The following ADGRG7 variants were observed in gnomAD, a reference collection of about 807,000 sequenced individuals.
The protein encoded by ADGRG7 is adhesion G protein-coupled receptor G7, also known as G-protein coupled receptor 128.
A neutral mutation model predicts 88.6 loss-of-function variants in ADGRG7; 82 were observed. The observed-to-expected ratio is 0.93, with a 90% CI of 0.77 to 1.11. ADGRG7 has a LOEUF of 1.11. Ranked by LOEUF, ADGRG7 falls within the 50% of genes most tolerant of loss-of-function variation. ADGRG7 has a pLI of 0.00. For synonymous variants in ADGRG7, 381 were observed against 345.2 expected (o/e 1.10, Z -1.15); for missense variants, 945 against 953.4 (o/e 0.99, Z 0.12).
chr3:100,613,525 C>T (rs1018338561), intron 1 of ADGRG7, among the ~76,000 whole-genome samples: 2 of 125,404 alleles, frequency 1.6e-5, no homozygotes, highest in African/African-American at 2.6e-5. Context: ...CCTCACATAA[C>T]CACCCCCTAA....
chr3:100,619,963 A>G (rs1055777479), intron 1 of ADGRG7, among the ~76,000 whole-genome samples: 6 of 152,176 alleles, frequency 3.9e-5, no homozygotes, highest in African/African-American at 1.2e-4. Context: ...ATTCACAGCC[A>G]AATTCTACCA....
intron 1 of ADGRG7, among the ~76,000 whole-genome samples, chr3:100,619,559 G>T (rs1707277968): frequency 6.6e-6 from 1 of 152,098 alleles, no homozygotes; most frequent in African/African-American, 2.4e-5. Flanking sequence ...ACTAAGATCA[G>T]AGCAGAACTG....
At position 100,638,538 on chromosome 3, in the gene ADGRG7, G is replaced by A. The variant is rs80099883; in HGVS notation, c.698+1136G>A. Among the ~76,000 whole-genome samples the A allele has an allele frequency of 1.4e-3, 214 of 152,250 alleles. 4 individuals carry two copies. In the East Asian group the frequency reaches 0.038, roughly 27 times the overall value. On this transcript the variant is annotated intron_variant, in intron 6 of 15. Coordinates refer to ENST00000273352, the MANE Select transcript of ADGRG7 (RefSeq NM_032787.3). ...TGTAGTTTTGGAAAAGGCAACATTT[G>A]ATTCGTAAAAAGACATTATTCAGAA... is the stretch of plus-strand genomic sequence containing the variant.
intron 4 of ADGRG7, 85 bp from the exon 5 acceptor site, chr3:100,635,592 T>C (rs985465680): frequency 1.3e-6 from 2 of 1,542,130 alleles, no homozygotes; most frequent in African/African-American, 1.4e-5. Flanking sequence ...TCAGCTAAAT[T>C]CCAGCTTATT....
intron 4 of ADGRG7, among the ~76,000 whole-genome samples, chr3:100,635,305 A>T (rs1209031660): frequency 6.6e-6 from 1 of 152,226 alleles, no homozygotes; most frequent in African/African-American, 2.4e-5. Flanking sequence ...GAACTGTTAG[A>T]TTCAACAGCA....
chr3:100,629,609 T>A lies in ADGRG7; in HGVS notation c.127T>A (p.Ser43Thr). 6.2e-7 allele frequency: 1 copy of A among 1,611,730 alleles called. No homozygotes were observed. Among genetic ancestry groups the A allele is most frequent in the Non-Finnish European group, 8.5e-7 (1 of 1,178,092 alleles). Reference sequence around the variant, plus strand: ...TATTGTTTCTTTAGGAAAATCTACTTCCTCATCAAGCACCCCTACAGAGTT... The same window carrying A: ...TATTGTTTCTTTAGGAAAATCTACTACCTCATCAAGCACCCCTACAGAGTT... ...VIRIQRGKST[S>T]SSSTPTEFCR... Residue 43 changes from serine (S) to threonine (T), a missense_variant, in exon 2 of 16, where the codon TCC becomes ACC. Coordinates refer to ENST00000273352, the MANE Select transcript of ADGRG7 (RefSeq NM_032787.3).
At chr3:100,680,890 G>A (rs2094972531) in intron 15 of ADGRG7, among the ~76,000 whole-genome samples, 1 of 152,140 alleles carries the variant, frequency 6.6e-6, no homozygotes. Context: ...ATATATCTAT[G>A]ATTTCTAGTA....
intron 14 of ADGRG7, among the ~76,000 whole-genome samples, chr3:100,662,062 C>A (rs1478722793): frequency 2.0e-5 from 3 of 152,120 alleles, no homozygotes; most frequent in South Asian, 2.1e-4. Flanking sequence ...ATGAAAATAT[C>A]TATTCATCAC....
chr3:100,638,369 C>T (rs1197395607), intron 6 of ADGRG7, among the ~76,000 whole-genome samples: 2 of 152,176 alleles, frequency 1.3e-5, no homozygotes, highest in Non-Finnish European at 2.9e-5. Flanking sequence ...AGTCAAGTCA[C>T]CTCTCAGCCT....
chr3:100,626,177 C>T (rs1189902369), intron 1 of ADGRG7, among the ~76,000 whole-genome samples: 1 of 152,134 alleles, frequency 6.6e-6, no homozygotes, highest in Non-Finnish European at 1.5e-5. Flanking sequence ...TAATTACTGC[C>T]TCAATTTCAG....
At chr3:100,652,237 G>A (rs2094930499) in intron 11 of ADGRG7, among the ~76,000 whole-genome samples, 1 of 152,074 alleles carries the variant, frequency 6.6e-6, no homozygotes. Flanking sequence ...AAAATGTCAA[G>A]CAGATGGACT....
intron 4 of ADGRG7, among the ~76,000 whole-genome samples, chr3:100,634,608 G>C (rs1303769625): frequency 6.6e-6 from 1 of 152,116 alleles, no homozygotes; most frequent in Non-Finnish European, 1.5e-5. Flanking sequence ...GCAGGGTAGG[G>C]GTTGGGTGGG....
intron 1 of ADGRG7, among the ~76,000 whole-genome samples, chr3:100,613,548 A>C (rs1707185620): frequency 6.6e-6 from 1 of 152,132 alleles, no homozygotes; most frequent in Non-Finnish European, 1.5e-5. Context: ...TAAAAAAAAA[A>C]AAAGTCTATT....
intron 14 of ADGRG7, among the ~76,000 whole-genome samples, chr3:100,660,745 T>C (rs887616940): frequency 6.6e-6 from 1 of 151,916 alleles, no homozygotes; most frequent in African/African-American, 2.4e-5. Context: ...CTGAGCTTGG[T>C]AGTTTGAGAC....
intron 1 of ADGRG7, among the ~76,000 whole-genome samples, chr3:100,615,500 A>G (rs1168294383): frequency 6.6e-6 from 1 of 152,184 alleles, no homozygotes; most frequent in East Asian, 1.9e-4. Context: ...ATGGCAAAGA[A>G]GCCAGTCAGC....
rs1559678462 is a variant in ADGRG7, at chr3:100,646,598, CTATGCCTGTGTCT to C, written c.1141_1153del (p.Tyr381IlefsTer37). On this transcript the variant is annotated frameshift_variant, in exon 10 of 16. Transcript: ENST00000273352. LOFTEE classifies it high-confidence loss of function. ...ACCAAAAAGAATTTCAACTCTATTC[CTATGCCTGTGTCT>C]ATTGGAATTTGTCAGCGAAGGACTG... 2.5e-6 allele frequency: 4 copies of C among 1,613,730 alleles called. No homozygotes were observed. The African/African-American group carries it at 5.3e-5, about 22-fold the overall frequency.
chr3:100,620,756 A>G (rs1196000800), intron 1 of ADGRG7, among the ~76,000 whole-genome samples: 1 of 152,156 alleles, frequency 6.6e-6, no homozygotes, highest in Admixed American at 6.6e-5. Context: ...TATACATCAA[A>G]AAGCAAGAAA....
chr3:100,656,065 C>T (rs763199006), intron 13 of ADGRG7, 70 bp downstream of exon 13: 59 of 849,126 alleles, frequency 6.9e-5, no homozygotes, highest in Admixed American at 1.6e-4. Flanking sequence ...ATATTGACTC[C>T]GAGTGTCACT....
At chr3:100,643,899 T>C (rs964139447) in intron 8 of ADGRG7, among the ~76,000 whole-genome samples, 2 of 152,236 alleles carry the variant, frequency 1.3e-5, no homozygotes, top group African/African-American at 4.8e-5. Flanking sequence ...AAATATGTTT[T>C]CCTACAAAAA....
Sources: allele counts gnomAD v4.1 joint callset (sites outside exome capture counted in the v4.1 genomes callset), GRCh38; gene constraint gnomAD v4.1.1; transcripts MANE v1.5; gene names NCBI Gene and HGNC (gene_info 2026-07-23, HGNC 2026-07-21).